Variants in DDX3X observed in about 807,000 individuals in gnomAD.
DDX3X encodes the protein ATP-dependent RNA helicase DDX3X.
Under a neutral mutation model 52.7 loss-of-function variants are expected in DDX3X, and 4 were observed. The ratio of observed to expected loss-of-function variants is 0.08; its 90% CI spans 0.04 to 0.17. The LOEUF is 0.17. DDX3X is among the 10% of genes least tolerant of loss of function. The probability of loss-of-function intolerance (pLI) is 1.00; values close to 1 mark genes in which losing one functional copy is unlikely to be tolerated. For missense variants in DDX3X, 222 were observed against 548.6 expected (o/e 0.40, Z 5.95); for synonymous variants, 192 against 178.1 (o/e 1.08, Z -0.62).
At chrX:41,346,824 C>T (rs769175479) in intron 14 of DDX3X, 35 bp from the exon 15 acceptor site, 4 of 1,156,254 alleles carry the variant, frequency 3.5e-6, no homozygotes, top group Non-Finnish European at 3.5e-6. Context: ...TTATGGAAGA[C>T]CTTTGTTTAT....
chrX:41,354,830 T>C (rs969786414), downstream of DDX3X, among the ~76,000 whole-genome samples: 2 of 109,255 alleles, frequency 1.8e-5, no homozygotes, highest in Non-Finnish European at 3.8e-5. Context: ...GTTTTGTTGT[T>C]GTTGTTGTTG....
chrX:41,338,742 TA>T (rs1179751641), intron 2 of DDX3X: 1 of 116,079 alleles, frequency 8.6e-6, no homozygotes, highest in Non-Finnish European at 1.8e-5. Context: ...AGCAGGCCTT[TA>T]AAAAAATCAC....
At chrX:41,347,493 T>A in intron 16 of DDX3X, 42 bp downstream of exon 16, 1 of 1,195,245 alleles carries the variant, frequency 8.4e-7, no homozygotes. Context: ...GAAGGGTTTT[T>A]TTCCTTTTAG....
rs2063947908 is a variant in DDX3X at position 41,347,983 on chromosome X, C to G, written c.*264C>G. ...TCCCGCCTACCCCCATCCCAAACTG[C>G]ATTTATAATTTTGTGACTGAGGATC... On this transcript the variant is annotated 3_prime_UTR_variant, in exon 17 of 17. Transcript: ENST00000644876. The G allele has an allele frequency of 3.0e-6, 1 of 336,805 alleles. No individual in the cohort carries two copies. Among genetic ancestry groups the G allele is most frequent in the African/African-American group, 2.7e-5 (1 of 36,799 alleles). The allele number at this position is 336,805 out of a possible 1,213,427, so 27.8% of individuals were successfully genotyped here.
chrX:41,356,957 G>A (rs113070209), intron 5 of DDX3X, among the ~76,000 whole-genome samples: 18,776 of 85,142 alleles, frequency 0.22, 2,995 homozygotes, highest in African/African-American at 0.5. Flanking sequence ...TTTTTGAGAC[G>A]GAGTCTTGCT....
downstream of DDX3X, chrX:41,350,427 A>T (rs1602140812): frequency 1.8e-5 from 2 of 112,244 alleles, no homozygotes; most frequent in African/African-American, 6.5e-5. Flanking sequence ...ATAGACGGAA[A>T]TCTAAAAGGC....
chrX:41,352,908 T>C (rs929013145), downstream of DDX3X, among the ~76,000 whole-genome samples: 3 of 112,056 alleles, frequency 2.7e-5, no homozygotes, highest in Non-Finnish European at 5.6e-5. Flanking sequence ...ATCATGCTTC[T>C]GGTTCTTCAT....
chrX:41,358,456 A>G (rs988872780), intron 5 of DDX3X, among the ~76,000 whole-genome samples: 9 of 111,555 alleles, frequency 8.1e-5, no homozygotes, highest in African/African-American at 2.6e-4. Flanking sequence ...CAAACTTGGA[A>G]TTTTCTACCT....
chrX:41,354,434 C>T (rs1878691464), downstream of DDX3X, among the ~76,000 whole-genome samples: 1 of 103,468 alleles, frequency 9.7e-6, no homozygotes, highest in African/African-American at 3.6e-5. Context: ...AGCAATCCTC[C>T]CACCTCAGCC....
chrX:41,347,691 C>T lies in DDX3X; in HGVS notation c.1961C>T (p.Ser654Phe). The change falls in exon 17 of 17, where the codon TCC (serine) becomes TTC (phenylalanine). Residue 654 changes from serine to phenylalanine, a missense_variant. Ser to Phe is a radical substitution (Grantham distance 155, BLOSUM62 -2). Coordinates refer to ENST00000644876, the MANE Select transcript of DDX3X (RefSeq NM_001356.5). Reference protein sequence around the residue: ...NSDGYGGNYNSQGVDWWGN With the variant: ...NSDGYGGNYNFQGVDWWGN The stretch of plus-strand genomic sequence containing the variant: ...GATGGATATGGAGGAAATTATAACT[C>T]CCAGGGGGTTGACTGGTGGGGTAAC... 1 of 1,200,694 alleles carries T rather than the reference C, an allele frequency of 8.3e-7. No homozygotes were observed. The highest frequency in any genetic ancestry group is 1.1e-6 in the Non-Finnish European group (1 of 889,915).
chrX:41,341,371 C>A, intron 3 of DDX3X, 113 bp from the exon 4 acceptor site: 3 of 587,375 alleles, frequency 5.1e-6, no homozygotes, highest in Non-Finnish European at 7.7e-6. Flanking sequence ...TCTTACAGTG[C>A]CATGGTAGGG....
intron 3 of DDX3X, chrX:41,339,999 C>T (rs910986921): frequency 9.4e-6 from 1 of 106,632 alleles, no homozygotes; most frequent in Admixed American, 1.0e-4. Flanking sequence ...ACCTCCGCCT[C>T]CTGGGTTCAA....
intron 5 of DDX3X, chrX:41,364,171 T>C: frequency 3.4e-6 from 1 of 291,115 alleles, no homozygotes; most frequent in South Asian, 2.2e-4. Flanking sequence ...AATGTAGTAA[T>C]GGGAGTAGGT....
intron 2 of DDX3X, chrX:41,338,576 C>T (rs991994121): frequency 8.9e-6 from 1 of 111,915 alleles, no homozygotes; most frequent in African/African-American, 3.3e-5. Flanking sequence ...AAATTAACTC[C>T]CCTTTGCAGC....
At chrX:41,339,479 T>A (rs1273322915) in intron 3 of DDX3X, 1 of 113,552 alleles carries the variant, frequency 8.8e-6, no homozygotes, top group Non-Finnish European at 1.9e-5. Context: ...GAAGATGGGC[T>A]TATTGTAGAA....
chrX:41,340,530 G>A (rs2063835695), intron 3 of DDX3X: 1 of 221,113 alleles, frequency 4.5e-6, no homozygotes, highest in East Asian at 6.9e-5. Context: ...CTGTCTTTGG[G>A]TTAATTTACA....
In DDX3X at chrX:41,345,514, A is replaced by G; in HGVS notation, c.1281A>G (p.Lys427=). 1 of 1,208,701 alleles carries G rather than the reference A, an allele frequency of 8.3e-7. No homozygotes were observed. Among genetic ancestry groups the G allele is most frequent in the Non-Finnish European group, 1.1e-6 (1 of 894,548 alleles). ...TAGTTTGGGTGGAAGAATCAGACAA[A>G]CGGTCATTTCTGCTTGACCTCCTAA... ...QKVVWVEESD[K]RSFLLDLLNA... The change falls in exon 12 of 17, where the codon AAA becomes AAG. Residue 427 remains lysine (K), a synonymous_variant. Coordinates refer to ENST00000644876, the MANE Select transcript of DDX3X (RefSeq NM_001356.5).
intron 2 of DDX3X, chrX:41,337,832 A>G (rs1010160717): frequency 2.3e-5 from 3 of 131,201 alleles, no homozygotes; most frequent in Admixed American, 8.9e-5. Flanking sequence ...GAGTAAAAGC[A>G]GCTAATCATT....
intron 16 of DDX3X, 86 bp downstream of exon 16, chrX:41,347,537 G>A (rs1308627592): frequency 8.6e-7 from 1 of 1,163,069 alleles, no homozygotes; most frequent in Non-Finnish European, 1.2e-6. Context: ...AACAATTTAA[G>A]TTCAGCACTA....
Sources: allele counts gnomAD v4.1 joint callset (sites outside exome capture counted in the v4.1 genomes callset), GRCh38; gene constraint gnomAD v4.1.1; transcripts MANE v1.5; gene names NCBI Gene and HGNC (gene_info 2026-07-23, HGNC 2026-07-21).